The following MYBPC3 variants were observed in gnomAD, a reference collection of about 807,000 sequenced individuals.
MYBPC3 encodes myosin binding protein C3.
MYBPC3 carries 108 observed loss-of-function variants against 159.3 expected under a neutral mutation model. The observed-to-expected ratio is 0.68, with a 90% CI of 0.58 to 0.80. The LOEUF is 0.80. MYBPC3 is among the 30% of genes least tolerant of loss of function. The pLI, the probability that MYBPC3 is intolerant of heterozygous loss-of-function variation, is 0.00. For synonymous variants in MYBPC3, 730 were observed against 702.0 expected (o/e 1.04, Z -0.63); for missense variants, 1,631 against 1,762.1 (o/e 0.93, Z 1.33).
Position 47,349,931 on chromosome 11 carries a change from G to C in MYBPC3, c.506-9C>G. 2 of 1,534,848 alleles carry C rather than the reference G, an allele frequency of 1.3e-6. No homozygotes were observed. Among genetic ancestry groups the C allele is most frequent in the Admixed American group, 2.0e-5 (1 of 50,474 alleles). On this transcript the variant is annotated splice_polypyrimidine_tract_variant and intron_variant, in intron 4 of 34. Transcript: ENST00000545968. The stretch of plus-strand genomic sequence containing the variant: ...GAAGGTGATGCTGCCACCTGCAAAG[G>C]CAGGGGCGACAGGCCCGGCTTGGGG...
Position 47,341,886 on chromosome 11 carries a change from T to C in MYBPC3, c.1790+105A>G, listed in dbSNP as rs183530126. ...TCTGTCCTGTCTCTGTGCATCTGCCTCTCTGTCCACCTGTCTTTATCTCTC... is the reference window on the plus strand; with the variant it reads ...TCTGTCCTGTCTCTGTGCATCTGCCCCTCTGTCCACCTGTCTTTATCTCTC... On this transcript the variant is annotated intron_variant, in intron 18 of 34. Transcript: ENST00000545968. 44 of 1,445,712 alleles carry C rather than the reference T, an allele frequency of 3.0e-5. No individual in the cohort carries two copies. The East Asian group carries it at 1.1e-3, about 36-fold the overall frequency. The allele number at this position is 1,445,712 out of a possible 1,614,324, so 89.6% of individuals were successfully genotyped here.
At chr11:47,352,530 C>T in intron 1 of MYBPC3, 93 bp downstream of exon 1, 1 of 1,523,298 alleles carries the variant, frequency 6.6e-7, no homozygotes. Flanking sequence ...ACGTCCTCGT[C>T]AACCCCCTCA....
At position 47,334,139 on chromosome 11, in the gene MYBPC3, G is replaced by A. The variant is rs1054673530; in HGVS notation, c.2906-129C>T. On this transcript the variant is annotated intron_variant, in intron 27 of 34. Transcript: ENST00000545968. ...AAAAAAGCTGCCTGCTGGGCCCTGC[G>A]CCTCCTTTAGCTCCTGCTAACACAG... is the stretch of plus-strand genomic sequence containing the variant. 5.8e-5 allele frequency: 49 copies of A among 841,294 alleles called. No homozygotes were observed. The Admixed American group carries it at 9.9e-4, about 17-fold the overall frequency. The allele number at this position is 841,294 out of a possible 1,614,324, so 52.1% of individuals were successfully genotyped here. A position where few individuals can be genotyped will look rare whatever the true frequency, so the allele number is the denominator to read the frequency against.
At chr11:47,339,609 C>A (rs549990610) in intron 21 of MYBPC3, 42 bp downstream of exon 21, 6 of 1,532,104 alleles carry the variant, frequency 3.9e-6, no homozygotes, top group Non-Finnish European at 5.3e-6. Flanking sequence ...GTTCCACACA[C>A]CCATCTTATA....
Position 47,351,459 on chromosome 11 carries a change from G to A in MYBPC3, c.72C>T (p.Gly24=). 1.9e-6 allele frequency: 3 copies of A among 1,598,782 alleles called. No homozygotes were observed. The highest frequency in any genetic ancestry group is 2.6e-6 in the Non-Finnish European group (3 of 1,169,906). ...KKPRSVEVAA[G]SPAVFEAETE... ...TCTCGGCCTCGAACACGGCAGGGCT[G>A]CCTGCGGCCACTTCCACTGACCGTG... is the stretch of plus-strand genomic sequence containing the variant. The change falls in exon 2 of 35, where the codon GGC becomes GGT. Residue 24 remains glycine (G), a synonymous_variant. Coordinates refer to ENST00000545968, the MANE Select transcript of MYBPC3 (RefSeq NM_000256.3). The surrounding 1 kb of genome is among the most constrained non-coding windows in gnomAD (Gnocchi z 4.2).
At position 47,335,993 on chromosome 11, in the gene MYBPC3, G is replaced by A. The variant is rs759847861; in HGVS notation, c.2621C>T (p.Thr874Ile). 3.9e-6 allele frequency: 6 copies of A among 1,532,494 alleles called. No individual in the cohort carries two copies. Among genetic ancestry groups the A allele is most frequent in the Non-Finnish European group, 5.3e-6 (6 of 1,138,486 alleles). The allele number at this position is 1,532,494 out of a possible 1,614,324, so 94.9% of individuals were successfully genotyped here. The change falls in exon 26 of 35, where the codon ACC becomes ATC. Residue 874 changes from threonine (T) to isoleucine (I), a missense_variant. Thr to Ile is a moderately conservative substitution (Grantham distance 89). Coordinates refer to ENST00000545968, the MANE Select transcript of MYBPC3 (RefSeq NM_000256.3). ...AGAGACGTCCTCTACTGCCAGGTGG[G>A]TGGGTTCGCTGGGGGGACCTGGGCA... ...FMPIGPPSEP[T>I]HLAVEDVSDT...
intron 5 of MYBPC3, among the ~76,000 whole-genome samples, chr11:47,349,551 C>CT (rs2095898124): frequency 6.6e-6 from 1 of 151,636 alleles, no homozygotes; most frequent in African/African-American, 2.4e-5. Flanking sequence ...TCTCCCAGGT[C>CT]CCCGACAGTG....
chr11:47,345,610 CTCACACCCGCCCTTG>C (rs2095893335), intron 12 of MYBPC3, among the ~76,000 whole-genome samples: 1 of 152,166 alleles, frequency 6.6e-6, no homozygotes, highest in South Asian at 2.1e-4. Context: ...GCTTTCCCGG[CTCACACCCGCCCTTG>C]TCAACCCCTC....
chr11:47,338,339 A>G lies in MYBPC3; in HGVS notation c.2308+181T>C, dbSNP rs1000609568. On this transcript the variant is annotated intron_variant, in intron 23 of 34. Coordinates refer to ENST00000545968, the MANE Select transcript of MYBPC3 (RefSeq NM_000256.3). The surrounding 1 kb of genome is among the most constrained non-coding windows in gnomAD (Gnocchi z 4.7). The stretch of plus-strand genomic sequence containing the variant: ...AGCAGTGTCGCAGGAAATCTGCTGG[A>G]TGCATCTGCCTCCATCTCCCCCAGA... Among the ~76,000 whole-genome samples the G allele has an allele frequency of 6.6e-6, 1 of 152,166 alleles. No individual in the cohort carries two copies. Among genetic ancestry groups the G allele is most frequent in the African/African-American group, 2.4e-5 (1 of 41,448 alleles).
chr11:47,339,716 G>A lies in MYBPC3; in HGVS notation c.2002C>T (p.Arg668Cys), dbSNP rs730880561. ...TCCCCAGAGATAGGGACGTCCAGAC[G>A]TAGCTTATTTCCAGCTACAACCACA... ...TIVVVAGNKLRLDVPISGDPA... is the reference protein window; with the variant it reads ...TIVVVAGNKLCLDVPISGDPA... The change falls in exon 21 of 35, where the codon CGT (arginine) becomes TGT (cysteine). Residue 668 changes from arginine (R) to cysteine (C), a missense_variant. Physicochemically the swap from Arg to Cys is radical, Grantham distance 180. Coordinates refer to ENST00000545968, the MANE Select transcript of MYBPC3 (RefSeq NM_000256.3). 16 of 1,613,788 alleles carry A rather than the reference G, an allele frequency of 9.9e-6. No individual in the cohort carries two copies. Among genetic ancestry groups the A allele is most frequent in the South Asian group, 3.3e-5 (3 of 91,086 alleles).
Position 47,341,975 on chromosome 11 carries a change from T to TG in MYBPC3, c.1790+15dup. On this transcript the variant is annotated intron_variant, in intron 18 of 34. Coordinates refer to ENST00000545968, the MANE Select transcript of MYBPC3 (RefSeq NM_000256.3). ...TCAGTCTCCACCTGTCCCATCCACC[T>TG]GCCCTGCACACTCACCGCCCGATGT... 6.4e-7 allele frequency: 1 copy of TG among 1,553,712 alleles called. No homozygotes were observed. Among genetic ancestry groups the TG allele is most frequent in the African/African-American group, 1.4e-5 (1 of 73,290 alleles).
intron 9 of MYBPC3, 169 bp from the exon 10 acceptor site, chr11:47,347,198 A>G (rs958662684): frequency 6.4e-5 from 63 of 985,040 alleles, no homozygotes; most frequent in Non-Finnish European, 7.4e-5. Flanking sequence ...TTGCAGCCTC[A>G]AGTGTGGAGT....
chr11:47,346,413 G>A lies in MYBPC3; in HGVS notation c.927-43C>T, dbSNP rs551119422. The A allele has an allele frequency of 2.0e-6, 3 of 1,505,102 alleles. No individual in the cohort carries two copies. The highest frequency in any genetic ancestry group is 2.8e-5 in the African/African-American group (2 of 72,452). 93.2% of individuals were successfully genotyped at this position (1,505,102 alleles called of 1,614,324 possible). On this transcript the variant is annotated intron_variant, in intron 11 of 34. Transcript: ENST00000545968. The surrounding 1 kb of genome is among the most constrained non-coding windows in gnomAD (Gnocchi z 5.3). ...GGCTGTGGCCGGGGGCAAGACTGCA[G>A]CCCCCTGGGCGGGGCTTCCTGGGCC... is the stretch of plus-strand genomic sequence containing the variant.
chr11:47,352,552 C>A, intron 1 of MYBPC3, 71 bp downstream of exon 1: 1 of 1,590,058 alleles, frequency 6.3e-7, no homozygotes, highest in Non-Finnish European at 8.6e-7. Context: ...GAACTCCCTC[C>A]TAGCCCTGCT....
In MYBPC3 at chr11:47,350,554, T is replaced by G. The variant is rs2095899686; in HGVS notation, c.354A>C (p.Gly118=). The change falls in exon 3 of 35, where the codon GGA becomes GGC. Residue 118 remains glycine (G), a synonymous_variant. Transcript: ENST00000545968. ...PAPAEATGAP[G]EAPAPAAELG... ...GCTCAGCGGCTGGGGCCGGGGCTTC[T>G]CCAGGGGCTCCAGTGGCCTCAGCAG... 1.3e-6 allele frequency: 2 copies of G among 1,546,556 alleles called. No homozygotes were observed. The highest frequency in any genetic ancestry group is 1.7e-6 in the Non-Finnish European group (2 of 1,153,820).
chr11:47,347,022 C>G lies in MYBPC3; in HGVS notation c.908+5G>C. 1 of 795,502 alleles carries G rather than the reference C, an allele frequency of 1.3e-6. No homozygotes were observed. The highest frequency in any genetic ancestry group is 2.2e-4 in the Middle Eastern group (1 of 4,490). 49.3% of individuals were successfully genotyped at this position (795,502 alleles called of 1,614,324 possible). ...GCCCCCAAACACCCAGACCCCGATTCTTACTCTCTGGGCCACAGCAGCAGC... is the reference window on the plus strand; with the variant it reads ...GCCCCCAAACACCCAGACCCCGATTGTTACTCTCTGGGCCACAGCAGCAGC... On this transcript the variant is annotated splice_donor_5th_base_variant and intron_variant, in intron 10 of 34. Coordinates refer to ENST00000545968, the MANE Select transcript of MYBPC3 (RefSeq NM_000256.3).
Position 47,342,558 on chromosome 11 carries a change from GC to G in MYBPC3, c.1624+19del, listed in dbSNP as rs750990030. The G allele has an allele frequency of 1.5e-5, 24 of 1,552,592 alleles. No homozygotes were observed. The highest frequency in any genetic ancestry group is 4.5e-5 in the East Asian group (2 of 44,118). ...GGGTCCAAGCCCTAAAGCCTCATGT[GC>G]CCCCCCAGCCAGGCTCACCCTGCAC... On this transcript the variant is annotated intron_variant, in intron 17 of 34. Coordinates refer to ENST00000545968, the MANE Select transcript of MYBPC3 (RefSeq NM_000256.3).
intron 28 of MYBPC3, 43 bp downstream of exon 28, chr11:47,333,879 T>C (rs371453856): frequency 8.4e-6 from 13 of 1,554,630 alleles, no homozygotes; most frequent in Middle Eastern, 1.8e-4. Context: ...CAACACACTA[T>C]AGCCTCTCTC....
In MYBPC3 at chr11:47,338,615, A is replaced by G; in HGVS notation, c.2213T>C (p.Val738Ala). 6.2e-7 allele frequency: 1 copy of G among 1,613,658 alleles called. No individual in the cohort carries two copies. The highest frequency in any genetic ancestry group is 8.5e-7 in the Non-Finnish European group (1 of 1,179,812). ...ETTKDRSIFT[V>A]EGAEKEDEGV... ...CTCATCTTCCTTCTCTGCCCCCTCG[A>G]CCGTGAAGATGCTGCGGTCCTTGGT... Residue 738 changes from valine (V) to alanine (A), a missense_variant, in exon 23 of 35, where the codon GTC (valine) becomes GCC (alanine). Physicochemically the swap from Val to Ala is moderately conservative, Grantham distance 64 (BLOSUM62 0). Transcript: ENST00000545968. This position sits in a 1 kb window ranked among gnomAD's most constrained non-coding sequence, Gnocchi z 4.7.
Sources: gnomAD v4.1 joint callset for allele counts (sites outside exome capture counted in the v4.1 genomes callset) on GRCh38, gnomAD v4.1.1 for gene constraint, Gnocchi (gnomAD v3.1) non-coding constraint, MANE v1.5 for transcripts, NCBI Gene and HGNC (gene_info 2026-07-23, HGNC 2026-07-21) for gene names.